CDKL5: variants seen among roughly 807,000 people sequenced by gnomAD.
CDKL5 encodes the protein cyclin dependent kinase like 5.
A neutral mutation model predicts 61.7 loss-of-function variants in CDKL5; 8 were observed. The observed-to-expected ratio is 0.13, with a 90% CI of 0.08 to 0.23. The LOEUF is 0.23. Ranked by LOEUF, CDKL5 falls within the 10% of genes least tolerant of loss-of-function variation. CDKL5 has a pLI of 1.00. For synonymous variants in CDKL5, 275 were observed against 272.3 expected, an observed-to-expected ratio of 1.01 and a Z score of -0.10; for missense variants, 440 against 734.5, an observed-to-expected ratio of 0.60 and a Z score of 4.63.
intron 1 of CDKL5, among the ~76,000 whole-genome samples, chrX:18,427,940 C>T (rs751762913): frequency 2.7e-5 from 3 of 111,224 alleles, no homozygotes; most frequent in Non-Finnish European, 5.6e-5. Context: ...TCTATTGTGT[C>T]CCCTGGGGTT....
At chrX:18,443,532 A>T (rs1390983150) in intron 1 of CDKL5, among the ~76,000 whole-genome samples, 6 of 108,191 alleles carry the variant, frequency 5.5e-5, no homozygotes, top group African/African-American at 2.0e-4. Flanking sequence ...GGGATAGTTA[A>T]TGTTATTCTT....
intron 12 of CDKL5, among the ~76,000 whole-genome samples, chrX:18,606,174 TCACACACACA>T (rs528800542): frequency 1.4e-4 from 14 of 96,873 alleles, no homozygotes; most frequent in Admixed American, 2.2e-4. Flanking sequence ...AGCAAGACTG[TCACACACACA>T]CACACACACA....
At chrX:18,590,206 CT>C (rs1925784129) in intron 9 of CDKL5, among the ~76,000 whole-genome samples, 1 of 111,410 alleles carries the variant, frequency 9.0e-6, no homozygotes, top group Admixed American at 9.6e-5. Context: ...TCATGAAGTC[CT>C]TGCCCATGCC....
intron 10 of CDKL5, 129 bp downstream of exon 10, chrX:18,595,557 C>T: frequency 2.0e-6 from 1 of 496,077 alleles, no homozygotes; most frequent in Non-Finnish European, 3.6e-6. Flanking sequence ...TAATGGGGAA[C>T]TATGTCATAT....
chrX:18,653,326 T>G lies in CDKL5; in HGVS notation c.2981-106T>G, dbSNP rs1402545302. ...TAAAGTGAAGATTAGGAGGCCAGAA[T>G]GCATGTGGCCTTCTGCTCCGTGGGG... is the stretch of plus-strand genomic sequence containing the variant. On this transcript the variant is annotated intron_variant, in intron 21 of 21. Transcript: ENST00000379989. The G allele has an allele frequency of 2.6e-6, 3 of 1,146,846 alleles. No individual in the cohort carries two copies. The African/African-American group carries it at 5.4e-5, about 21-fold the overall frequency. The allele number at this position is 1,146,846 out of a possible 1,213,427, so 94.5% of individuals were successfully genotyped here.
At chrX:18,575,289 G>A (rs755872069) in intron 4 of CDKL5, 65 bp from the exon 5 acceptor site, 8 of 1,056,915 alleles carry the variant, frequency 7.6e-6, no homozygotes, top group Non-Finnish European at 1.1e-5. Flanking sequence ...CAGTGTTCTT[G>A]GAATTCTTTG....
At chrX:18,460,936 C>T (rs145286639) in intron 1 of CDKL5, among the ~76,000 whole-genome samples, 1,162 of 112,344 alleles carry the variant, frequency 0.01, 19 homozygotes, top group African/African-American at 0.036. Context: ...CATATAATTT[C>T]TCAGGGAAGA....
At chrX:18,453,281 A>G (rs1309385754) in intron 1 of CDKL5, among the ~76,000 whole-genome samples, 4 of 111,878 alleles carry the variant, frequency 3.6e-5, no homozygotes, top group Admixed American at 2.9e-4. Context: ...TTGAACATTT[A>G]TAGCTATTTT....
intron 3 of CDKL5, among the ~76,000 whole-genome samples, chrX:18,548,949 TA>T (rs1201811562): frequency 3.6e-5 from 4 of 112,203 alleles, no homozygotes; most frequent in South Asian, 3.7e-4. Flanking sequence ...TTTCTTATTT[TA>T]TAAGAAAATG....
At chrX:18,596,004 TA>T (rs1925980846) in intron 10 of CDKL5, among the ~76,000 whole-genome samples, 1 of 111,404 alleles carries the variant, frequency 9.0e-6, no homozygotes, top group Non-Finnish European at 1.9e-5. Context: ...TATTCAAGTT[TA>T]TTTTTTTTTC....
At chrX:18,577,915 T>C (rs1925352761) in intron 5 of CDKL5, among the ~76,000 whole-genome samples, 1 of 112,521 alleles carries the variant, frequency 8.9e-6, no homozygotes, top group African/African-American at 3.2e-5. Context: ...AATCAAAAAA[T>C]GATGCATACA....
In CDKL5 at chrX:18,539,537, TATTTA is replaced by T. The variant is rs978939740; in HGVS notation, c.100-24937_100-24933del. On this transcript the variant is annotated intron_variant, in intron 3 of 17. Transcript: ENST00000623535. The stretch of plus-strand genomic sequence containing the variant: ...TTTCCTGTTTTCTTTCTCTTACTGA[TATTTA>T]ATCGGATTCCATTGTGGTCAGAGAA... 3.6e-5 allele frequency among the ~76,000 whole-genome samples: 4 copies of T among 112,055 alleles called. No homozygotes were observed. In the Admixed American group the frequency reaches 3.8e-4, roughly 11 times the overall value.
At position 18,631,026 on chromosome X, in the gene CDKL5, G is replaced by A; in HGVS notation, c.*2269G>A. 7 of 751,359 alleles carry A rather than the reference G, an allele frequency of 9.3e-6. No homozygotes were observed. The highest frequency in any genetic ancestry group is 1.1e-5 in the Non-Finnish European group (7 of 638,792). 61.9% of individuals were successfully genotyped at this position (751,359 alleles called of 1,213,427 possible). ...CTGGAAAGACTTCTCACTGTGCTATGCGCTTAGGAACTGCACGGTCCCGTT... is the reference window on the plus strand; with the variant it reads ...CTGGAAAGACTTCTCACTGTGCTATACGCTTAGGAACTGCACGGTCCCGTT... On this transcript the variant is annotated 3_prime_UTR_variant, in exon 18 of 18. Coordinates refer to ENST00000623535, the MANE Select transcript of CDKL5 (RefSeq NM_001323289.2).
intron 3 of CDKL5, among the ~76,000 whole-genome samples, chrX:18,528,450 A>T (rs1340601068): frequency 9.1e-6 from 1 of 109,994 alleles, no homozygotes; most frequent in Non-Finnish European, 1.9e-5. Flanking sequence ...GCTATTCTTT[A>T]TCCCAATGAT....
chrX:18,653,431 G>C lies in CDKL5; in HGVS notation c.2981-1G>C. 1 of 1,210,808 alleles carries C rather than the reference G, an allele frequency of 8.3e-7. No homozygotes were observed. The highest frequency in any genetic ancestry group is 1.1e-6 in the Non-Finnish European group (1 of 895,253). On this transcript the variant is annotated splice_acceptor_variant, in intron 21 of 21. Coordinates refer to the CDKL5 transcript ENST00000379989. LOFTEE classifies it high-confidence loss of function. ...CCCCGCTGTCCTTCTGTGCTTTCCA[G>C]GGTTCTCTTTCTTCGTGAGACACGT...
At chrX:18,625,308 G>C (rs916440695) in intron 17 of CDKL5, 61 bp downstream of exon 17, 54 of 1,156,303 alleles carry the variant, frequency 4.7e-5, no homozygotes, top group Non-Finnish European at 6.3e-5. Flanking sequence ...CCTGAGGAGC[G>C]GGGAGGGCAT....
Position 18,633,974 on chromosome X carries a change from A to G in CDKL5, c.*5217A>G. On this transcript the variant is annotated 3_prime_UTR_variant, in exon 18 of 18. Transcript: ENST00000623535. ...GTTTGTCTCATTTTGCCAGAAAAAA[A>G]TTGTAATAGTCGGCACGCTGGATTT... 16 of 754,251 alleles carry G rather than the reference A, an allele frequency of 2.1e-5. No individual in the cohort carries two copies. Among genetic ancestry groups the G allele is most frequent in the Non-Finnish European group, 2.5e-5 (16 of 639,373 alleles). The allele number at this position is 754,251 out of a possible 1,213,427, so 62.2% of individuals were successfully genotyped here.
intron 2 of CDKL5, among the ~76,000 whole-genome samples, chrX:18,509,187 C>T (rs779112699): frequency 1.4e-5 from 1 of 72,347 alleles, no homozygotes; most frequent in South Asian, 8.4e-4. Flanking sequence ...GCGAGACTGT[C>T]TCAAAACACG....
intron 1 of CDKL5, among the ~76,000 whole-genome samples, chrX:18,483,015 G>C (rs1921644165): frequency 1.8e-5 from 2 of 111,297 alleles, no homozygotes; most frequent in Admixed American, 1.9e-4. Flanking sequence ...TATTCTTTTG[G>C]GCATTGACAT....
Sources: allele counts gnomAD v4.1 joint callset (sites outside exome capture counted in the v4.1 genomes callset), GRCh38; gene constraint gnomAD v4.1.1; transcripts MANE v1.5; gene names NCBI Gene and HGNC (gene_info 2026-07-23, HGNC 2026-07-21).